The following NKAIN2 variants were observed in gnomAD, a reference collection of about 807,000 sequenced individuals.
NKAIN2 encodes the protein sodium/potassium transporting ATPase interacting 2.
A neutral mutation model predicts 32.6 loss-of-function variants in NKAIN2; 14 were observed. The observed-to-expected ratio is 0.43, with a 90% CI of 0.28 to 0.67. NKAIN2 has a LOEUF of 0.67. NKAIN2 is among the 30% of genes least tolerant of loss of function. NKAIN2 has a pLI of 0.17. For synonymous variants in NKAIN2, 80 were observed against 87.2 expected, an observed-to-expected ratio of 0.92 and a Z score of 0.46; for missense variants, 198 against 258.3, an observed-to-expected ratio of 0.77 and a Z score of 1.60.
chr6:124,077,467 T>C (rs1304149271), intron 1 of NKAIN2, among the ~76,000 whole-genome samples: 1 of 152,272 alleles, frequency 6.6e-6, no homozygotes, highest in East Asian at 1.9e-4. Context: ...TAAGGTTTCA[T>C]GCACAGTCCT....
intron 1 of NKAIN2, among the ~76,000 whole-genome samples, chr6:123,945,609 C>G (rs1370512112): frequency 6.6e-6 from 1 of 152,048 alleles, no homozygotes; most frequent in Non-Finnish European, 1.5e-5. Context: ...GCAGCTTCAC[C>G]AGGACCACTG....
intron 1 of NKAIN2, among the ~76,000 whole-genome samples, chr6:123,886,817 G>T (rs1165938705): frequency 6.6e-6 from 1 of 152,092 alleles, no homozygotes; most frequent in Non-Finnish European, 1.5e-5. Flanking sequence ...TGACTGTATT[G>T]ATAAGCTGCT....
intron 2 of NKAIN2, among the ~76,000 whole-genome samples, chr6:124,350,607 A>G (rs1798679296): frequency 2.6e-5 from 4 of 152,206 alleles, no homozygotes; most frequent in Admixed American, 1.3e-4. Flanking sequence ...TAAAGGGGTT[A>G]CACCAGTGTT....
chr6:124,367,993 C>T (rs912860081), intron 3 of NKAIN2, among the ~76,000 whole-genome samples: 1 of 151,776 alleles, frequency 6.6e-6, no homozygotes, highest in Non-Finnish European at 1.5e-5. Context: ...TAGGTTATAC[C>T]CAGAGCTCTA....
intron 1 of NKAIN2, among the ~76,000 whole-genome samples, chr6:124,243,704 C>A (rs1187990472): frequency 6.6e-6 from 1 of 151,692 alleles, no homozygotes; most frequent in East Asian, 1.9e-4. Flanking sequence ...ATTTGGTTTT[C>A]CCTGCACTTT....
chr6:124,393,851 T>C (rs918741620), intron 3 of NKAIN2, among the ~76,000 whole-genome samples: 1 of 152,198 alleles, frequency 6.6e-6, no homozygotes, highest in African/African-American at 2.4e-5. Context: ...GTGAACTGTT[T>C]CATTTAATTC....
chr6:124,100,663 A>G (rs1784841988), intron 1 of NKAIN2, among the ~76,000 whole-genome samples: 1 of 152,230 alleles, frequency 6.6e-6, no homozygotes. Flanking sequence ...TCTTGCTGCA[A>G]TATGGATATT....
chr6:124,520,722 A>G (rs147085744), intron 3 of NKAIN2, among the ~76,000 whole-genome samples: 164 of 152,222 alleles, frequency 1.1e-3, no homozygotes, highest in African/African-American at 3.7e-3. Flanking sequence ...CTTATTCATT[A>G]TTTACATAAA....
intron 1 of NKAIN2, among the ~76,000 whole-genome samples, chr6:124,139,558 C>T (rs1299091944): frequency 2.0e-5 from 3 of 152,056 alleles, no homozygotes; most frequent in African/African-American, 4.8e-5. Context: ...TAGAAATTAA[C>T]AGTAGAAAAA....
rs530001784 is a variant in NKAIN2, at chr6:124,590,562, A to T, written c.274-67624A>T. On this transcript the variant is annotated intron_variant, in intron 3 of 6. Transcript: ENST00000368417. ...TGCCCTTTGCTTTGCTGTAAGGGCC[A>T]GTGGCCTTGAGGCCCCAGGCACAGT... Among the ~76,000 whole-genome samples the T allele has an allele frequency of 5.9e-5, 9 of 152,320 alleles. No homozygotes were observed. The South Asian group carries it at 1.7e-3, about 28-fold the overall frequency.
chr6:124,550,259 ATCTT>A (rs1044740317), intron 3 of NKAIN2, among the ~76,000 whole-genome samples: 4 of 152,154 alleles, frequency 2.6e-5, no homozygotes, highest in Non-Finnish European at 5.9e-5. Context: ...ATCCAATACT[ATCTT>A]TATTTATTCT....
At position 123,964,617 on chromosome 6, in the gene NKAIN2, G is replaced by A. The variant is rs1183604235; in HGVS notation, c.54+160363G>A. Among the ~76,000 whole-genome samples the A allele has an allele frequency of 3.9e-5, 6 of 152,114 alleles. No individual in the cohort carries two copies. Among genetic ancestry groups the A allele is most frequent in the Non-Finnish European group, 1.5e-5 (1 of 68,012 alleles). On this transcript the variant is annotated intron_variant, in intron 1 of 6. Transcript: ENST00000368417. This position sits in a 1 kb window ranked among gnomAD's most constrained non-coding sequence, Gnocchi z 4.0. Reference sequence around the variant, plus strand: ...TGTAAGAGTTCTAAAAATTATTAAAGGTTTGAGAAATAATTTTTAAGAGAA... The same window carrying A: ...TGTAAGAGTTCTAAAAATTATTAAAAGTTTGAGAAATAATTTTTAAGAGAA...
At chr6:124,044,392 G>A (rs571240743) in intron 1 of NKAIN2, among the ~76,000 whole-genome samples, 2 of 151,858 alleles carry the variant, frequency 1.3e-5, no homozygotes, top group Non-Finnish European at 2.9e-5. Context: ...GACTCTCATC[G>A]CTCTCCCATC....
At chr6:124,316,450 T>G (rs1226919278) in intron 2 of NKAIN2, among the ~76,000 whole-genome samples, 1 of 152,024 alleles carries the variant, frequency 6.6e-6, no homozygotes, top group Non-Finnish European at 1.5e-5. Context: ...TTAAGCAAAC[T>G]GTATGATATA....
At chr6:124,569,646 G>A (rs966396874) in intron 3 of NKAIN2, among the ~76,000 whole-genome samples, 2 of 152,248 alleles carry the variant, frequency 1.3e-5, no homozygotes, top group South Asian at 4.1e-4. Flanking sequence ...TTGCCACCAT[G>A]TAAGAAGTAC....
chr6:123,804,084 G>T lies in NKAIN2; in HGVS notation c.-117G>T. Reference sequence around the variant, plus strand: ...GGACGCTGGCAGCAGCAGCAGCCCGGAGCCCCCGAGCCCTCGGCAGGTTTG... The same window carrying T: ...GGACGCTGGCAGCAGCAGCAGCCCGTAGCCCCCGAGCCCTCGGCAGGTTTG... On this transcript the variant is annotated 5_prime_UTR_variant, in exon 1 of 7. The change creates a premature stop within an existing upstream ORF in the 5' untranslated region. Coordinates refer to ENST00000368417, the MANE Select transcript of NKAIN2 (RefSeq NM_001040214.3). 3.3e-6 allele frequency: 3 copies of T among 912,686 alleles called. No homozygotes were observed. The highest frequency in any genetic ancestry group is 5.5e-6 in the Non-Finnish European group (3 of 543,734). The allele number at this position is 912,686 out of a possible 1,614,324, so 56.5% of individuals were successfully genotyped here.
At chr6:124,256,454 A>T (rs1450363208) in intron 1 of NKAIN2, among the ~76,000 whole-genome samples, 1 of 152,182 alleles carries the variant, frequency 6.6e-6, no homozygotes, top group African/African-American at 2.4e-5. Flanking sequence ...AAACAGATGT[A>T]AACTGGCAAT....
At chr6:124,055,084 GTCTTATA>G (rs1445693908) in intron 1 of NKAIN2, among the ~76,000 whole-genome samples, 1 of 151,930 alleles carries the variant, frequency 6.6e-6, no homozygotes. Context: ...CACCTAGATT[GTCTTATA>G]TATTGCTCAT....
chr6:123,860,427 C>G (rs1775743012), intron 1 of NKAIN2, among the ~76,000 whole-genome samples: 1 of 152,116 alleles, frequency 6.6e-6, no homozygotes, highest in African/African-American at 2.4e-5. Flanking sequence ...TTATTATTAT[C>G]TGAGACAGGA....
Sources: gnomAD v4.1 joint callset for allele counts (sites outside exome capture counted in the v4.1 genomes callset) on GRCh38, gnomAD v4.1.1 for gene constraint, Gnocchi (gnomAD v3.1) non-coding constraint, MANE v1.5 for transcripts, NCBI Gene and HGNC (gene_info 2026-07-23, HGNC 2026-07-21) for gene names.